GREB1: variants seen among roughly 807,000 people sequenced by gnomAD.
The protein encoded by GREB1 is protein GREB1.
GREB1 carries 106 observed loss-of-function variants against 200.7 expected under a neutral mutation model. The ratio of observed to expected loss-of-function variants is 0.53; its 90% CI spans 0.45 to 0.62. The LOEUF (loss-of-function observed/expected upper bound fraction) is 0.62. Ranked by LOEUF, GREB1 falls within the 20% of genes least tolerant of loss-of-function variation. GREB1 has a pLI of 0.00. For missense variants in GREB1, 2,243 were observed against 2,556.8 expected, an observed-to-expected ratio of 0.88 and a Z score of 2.65; for synonymous variants, 1,132 against 1,092.4, an observed-to-expected ratio of 1.04 and a Z score of -0.72.
chr2:11,566,712 C>CA, intron 4 of GREB1, 56 bp downstream of exon 4: 1 of 1,480,428 alleles, frequency 6.8e-7, no homozygotes, highest in South Asian at 1.4e-5. Context: ...AGAGCAGGGT[C>CA]AAGGGAGGTC....
intron 20 of GREB1, among the ~76,000 whole-genome samples, chr2:11,616,277 CA>C (rs1240594530): frequency 1.3e-5 from 2 of 152,244 alleles, no homozygotes; most frequent in Non-Finnish European, 2.9e-5. Flanking sequence ...ACTTTACCTG[CA>C]AAACCCTGAG....
chr2:11,524,199 C>G (rs562128309), intron 1 of GREB1, among the ~76,000 whole-genome samples: 1 of 152,294 alleles, frequency 6.6e-6, no homozygotes, highest in East Asian at 1.9e-4. Context: ...TTGTAGAAGA[C>G]AAGTTGGACA....
Position 11,615,084 on chromosome 2 carries a change from T to C in GREB1, c.3123-7T>C. 1 of 1,610,370 alleles carries C rather than the reference T, an allele frequency of 6.2e-7. No homozygotes were observed. Among genetic ancestry groups the C allele is most frequent in the Non-Finnish European group, 8.5e-7 (1 of 1,176,540 alleles). On this transcript the variant is annotated splice_region_variant and splice_polypyrimidine_tract_variant and intron_variant, in intron 19 of 32. Transcript: ENST00000381486. The stretch of plus-strand genomic sequence containing the variant: ...CTAAACAGACACCTTCTTCTGTGTC[T>C]TGCTAGGTCTTTGAGGTACTGTGAC...
chr2:11,596,069 C>G, intron 12 of GREB1, 42 bp from the exon 13 acceptor site: 1 of 1,586,800 alleles, frequency 6.3e-7, no homozygotes, highest in Non-Finnish European at 8.6e-7. Flanking sequence ...TGCTGAATTT[C>G]ACTGACATCA....
In GREB1 at chr2:11,640,267, A is replaced by G. The variant is rs1685719775; in HGVS notation, c.5687-24A>G. 6.3e-7 allele frequency: 1 copy of G among 1,595,478 alleles called. No homozygotes were observed. Among genetic ancestry groups the G allele is most frequent in the Middle Eastern group, 1.7e-4 (1 of 5,980 alleles). Reference sequence around the variant, plus strand: ...GGATAAACTCACCTTTTCCCTTCCCACACCTCTGCCGTTGTCCACGCAGGT... The same window carrying G: ...GGATAAACTCACCTTTTCCCTTCCCGCACCTCTGCCGTTGTCCACGCAGGT... On this transcript the variant is annotated intron_variant, in intron 32 of 32. Transcript: ENST00000381486. The surrounding 1 kb of genome is among the most constrained non-coding windows in gnomAD (Gnocchi z 4.6).
chr2:11,534,402 C>T (rs1159216859), intron 1 of GREB1, 148 bp downstream of exon 1: 3 of 152,190 alleles, frequency 2.0e-5, no homozygotes, highest in Non-Finnish European at 4.4e-5. Flanking sequence ...ACAAGGTATT[C>T]AAATTGTTCT....
At chr2:11,541,701 A>T (rs554896009) in intron 1 of GREB1, among the ~76,000 whole-genome samples, 1 of 152,154 alleles carries the variant, frequency 6.6e-6, no homozygotes, top group Non-Finnish European at 1.5e-5. Flanking sequence ...ACACAGCCTC[A>T]TCAGCCCTGC....
At chr2:11,588,440 C>T (rs1006918133) in intron 9 of GREB1, 15 of 456,978 alleles carry the variant, frequency 3.3e-5, no homozygotes, top group Non-Finnish European at 4.9e-5. Flanking sequence ...TGACAGGTGG[C>T]GGCTGCTTGG....
chr2:11,516,692 C>T (rs537856602), intron 1 of GREB1, among the ~76,000 whole-genome samples: 12 of 152,290 alleles, frequency 7.9e-5, no homozygotes, highest in East Asian at 5.8e-4. Context: ...CCAAGCTCCC[C>T]GCCCCAATTC....
At chr2:11,576,752 A>C (rs1197309590) in intron 5 of GREB1, among the ~76,000 whole-genome samples, 2 of 152,180 alleles carry the variant, frequency 1.3e-5, no homozygotes, top group African/African-American at 4.8e-5. Context: ...AAGTCGACAG[A>C]GGGCCAGTTG....
At position 11,503,531 on chromosome 2, in the gene GREB1, G is replaced by A. The variant is rs553374992; in HGVS notation, c.-159+21150G>A. ...TCTCAGTAGGGGAGTTTCTAGGAGC[G>A]GAATTGCTAGGTTACGTGGTATGTG... is the stretch of plus-strand genomic sequence containing the variant. On this transcript the variant is annotated intron_variant, in intron 1 of 2. Transcript: ENST00000628795. Among the ~76,000 whole-genome samples, 162 of 152,184 alleles carry A rather than the reference G, an allele frequency of 1.1e-3. No homozygotes were observed. The South Asian group carries it at 0.013, about 12-fold the overall frequency.
chr2:11,601,129 A>G, intron 16 of GREB1, 134 bp downstream of exon 16: 1 of 693,848 alleles, frequency 1.4e-6, no homozygotes, highest in Non-Finnish European at 2.3e-6. Context: ...GGTTCAACCC[A>G]GAGTTAGGTT....
intron 2 of GREB1, 95 bp downstream of exon 2, chr2:11,556,866 A>G (rs1676481606): frequency 2.2e-6 from 2 of 895,408 alleles, no homozygotes; most frequent in Non-Finnish European, 3.2e-6. Flanking sequence ...TTATGTAGAT[A>G]ACGTTGAATC....
intron 4 of GREB1, among the ~76,000 whole-genome samples, chr2:11,568,937 G>A (rs1677979508): frequency 6.6e-6 from 1 of 152,234 alleles, no homozygotes; most frequent in African/African-American, 2.4e-5. Context: ...AATTAAGTCT[G>A]ATGGCTATAC....
intron 1 of GREB1, among the ~76,000 whole-genome samples, chr2:11,541,441 G>GC (rs1674735183): frequency 7.0e-6 from 1 of 142,566 alleles, no homozygotes; most frequent in Non-Finnish European, 1.6e-5. Context: ...TGGATGGCAA[G>GC]TGAGAGGGGG....
chr2:11,591,913 A>G (rs958589516), intron 10 of GREB1: 15 of 664,934 alleles, frequency 2.3e-5, no homozygotes, highest in African/African-American at 3.9e-5. Flanking sequence ...TAAGGAAAGA[A>G]TGCAAGACCC....
chr2:11,588,101 C>T, intron 9 of GREB1: 1 of 395,664 alleles, frequency 2.5e-6, no homozygotes, highest in Non-Finnish European at 3.5e-6. Context: ...TGGTGATGCG[C>T]ACCTGTCATC....
intron 27 of GREB1, 45 bp downstream of exon 27, chr2:11,632,158 C>G (rs1558666161): frequency 7.3e-7 from 1 of 1,378,300 alleles, no homozygotes; most frequent in South Asian, 1.2e-5. Flanking sequence ...CTCCTGTGAA[C>G]GAACACTTGA....
At chr2:11,592,148 T>G in intron 10 of GREB1, 2 of 958,242 alleles carry the variant, frequency 2.1e-6, no homozygotes, top group Non-Finnish European at 2.5e-6. Flanking sequence ...AGACCTTCTC[T>G]AACAAGCTAT....
Sources: gnomAD v4.1 joint callset for allele counts (sites outside exome capture counted in the v4.1 genomes callset) on GRCh38, gnomAD v4.1.1 for gene constraint, Gnocchi (gnomAD v3.1) non-coding constraint, MANE v1.5 for transcripts, NCBI Gene and HGNC (gene_info 2026-07-23, HGNC 2026-07-21) for gene names.